TOM1: variants seen among roughly 807,000 people sequenced by gnomAD.
TOM1 encodes the protein target of Myb protein 1.
In TOM1, 38 loss-of-function variants were observed where a neutral mutation model predicts 61.3. That is an observed-to-expected ratio of 0.62 (90% CI 0.48 to 0.81). The LOEUF (loss-of-function observed/expected upper bound fraction) is 0.81, where lower values mean the gene tolerates loss of function less well. Among genes scored for constraint, TOM1 ranks in the 40% least tolerant of loss-of-function variants. TOM1 has a pLI of 0.00. For synonymous variants in TOM1, 270 were observed against 268.8 expected, an observed-to-expected ratio of 1.00 and a Z score of -0.04; for missense variants, 591 against 659.6, an observed-to-expected ratio of 0.90 and a Z score of 1.14.
intron 12 of TOM1, among the ~76,000 whole-genome samples, chr22:35,341,785 C>G (rs1046557612): frequency 3.3e-5 from 5 of 152,184 alleles, no homozygotes; most frequent in African/African-American, 9.6e-5. Context: ...CCACTGGCAG[C>G]AAAGAGAAGC....
chr22:35,331,031 C>A, intron 8 of TOM1, among the ~76,000 whole-genome samples: 1 of 152,048 alleles, frequency 6.6e-6, no homozygotes, highest in Non-Finnish European at 1.5e-5. Flanking sequence ...GGACCATCTC[C>A]CCAGGGTGCT....
At chr22:35,342,519 C>T (rs1929953719) in intron 12 of TOM1, among the ~76,000 whole-genome samples, 1 of 151,980 alleles carries the variant, frequency 6.6e-6, no homozygotes, top group African/African-American at 2.4e-5. Context: ...CAGCCGCCTG[C>T]CCTGCTATCC....
At chr22:35,324,124 G>T (rs1928101942) in intron 6 of TOM1, among the ~76,000 whole-genome samples, 1 of 152,190 alleles carries the variant, frequency 6.6e-6, no homozygotes. Flanking sequence ...AGACAGTTGG[G>T]ATCCAAGCTC....
Position 35,334,110 on chromosome 22 carries a change from C to T in TOM1, c.1028-218C>T, listed in dbSNP as rs185792623. Among the ~76,000 whole-genome samples, 421 of 152,308 alleles carry T rather than the reference C, an allele frequency of 2.8e-3. 5 individuals carry two copies. The highest frequency in any genetic ancestry group is 1.8e-3 in the Non-Finnish European group (120 of 68,030). Reference sequence around the variant, plus strand: ...CGTTTTGACTGTTCTCTAACGCTCACAGCAGCCCCAAGAGGGGTGAGTAAA... The same window carrying T: ...CGTTTTGACTGTTCTCTAACGCTCATAGCAGCCCCAAGAGGGGTGAGTAAA... On this transcript the variant is annotated intron_variant, in intron 10 of 14. Coordinates refer to ENST00000449058, the MANE Select transcript of TOM1 (RefSeq NM_005488.3).
intron 1 of TOM1, among the ~76,000 whole-genome samples, chr22:35,316,001 C>T (rs1221137168): frequency 2.6e-5 from 4 of 152,396 alleles, no homozygotes; most frequent in African/African-American, 9.6e-5. Context: ...GAGAGAGCCT[C>T]CCTTGCAGGA....
chr22:35,337,129 G>A (rs897007791), intron 11 of TOM1, among the ~76,000 whole-genome samples: 7 of 152,018 alleles, frequency 4.6e-5, no homozygotes, highest in African/African-American at 1.2e-4. Context: ...GTAGAGACGG[G>A]GTTTCACCAT....
In TOM1 at chr22:35,323,973, G is replaced by A; in HGVS notation, c.648+59G>A. 1 of 1,501,468 alleles carries A rather than the reference G, an allele frequency of 6.7e-7. No homozygotes were observed. Among genetic ancestry groups the A allele is most frequent in the South Asian group, 1.4e-5 (1 of 73,324 alleles). 93.0% of individuals were successfully genotyped at this position (1,501,468 alleles called of 1,614,324 possible). A position where few individuals can be genotyped will look rare whatever the true frequency, so the allele number is the denominator to read the frequency against. ...AGGCAGGTGGGCCACACACGTCAGG[G>A]AGGGCCCCCTGTCAGAATTTACCAT... On this transcript the variant is annotated intron_variant, in intron 6 of 14. Transcript: ENST00000449058. The surrounding 1 kb of genome is among the most constrained non-coding windows in gnomAD (Gnocchi z 4.2).
At chr22:35,332,554 G>A (rs76212089) in intron 8 of TOM1, among the ~76,000 whole-genome samples, 57 of 151,414 alleles carry the variant, frequency 3.8e-4, no homozygotes, top group African/African-American at 1.3e-3. Context: ...AGAGATACAT[G>A]TATCTTTCTT....
chr22:35,328,479 G>A (rs1359837164), intron 7 of TOM1, among the ~76,000 whole-genome samples: 1 of 152,246 alleles, frequency 6.6e-6, no homozygotes, highest in Admixed American at 6.5e-5. Context: ...GGCATAGGGA[G>A]ATCAGATAAC....
rs1295836755 is a variant in TOM1, at chr22:35,322,014, C to A, written c.193C>A (p.His65Asn). 5 of 1,614,052 alleles carry A rather than the reference C, an allele frequency of 3.1e-6. No individual in the cohort carries two copies. The highest frequency in any genetic ancestry group is 4.2e-6 in the Non-Finnish European group (5 of 1,180,030). Residue 65 changes from histidine to asparagine, a missense_variant, in exon 3 of 15, where the codon CAC becomes AAC. Coordinates refer to ENST00000449058, the MANE Select transcript of TOM1 (RefSeq NM_005488.3). ...KKRIVGNKNF[H>N]EVMLALTVLE... ...GAGAATCGTGGGGAATAAGAACTTC[C>A]ACGAGGTGATGCTGGCTCTCACAGT...
intron 2 of TOM1, among the ~76,000 whole-genome samples, chr22:35,318,838 C>T (rs1283542928): frequency 6.6e-6 from 1 of 152,236 alleles, no homozygotes; most frequent in Non-Finnish European, 1.5e-5. Flanking sequence ...TCCTTTCCCT[C>T]TCCAGTTCTC....
chr22:35,326,682 G>C (rs1928337924), intron 6 of TOM1, among the ~76,000 whole-genome samples: 1 of 152,032 alleles, frequency 6.6e-6, no homozygotes, highest in Admixed American at 6.5e-5. Flanking sequence ...TCTAGGAGGA[G>C]AGAGAGAGGA....
chr22:35,302,330 C>CTTTTTTTTTTTTTTTTTTTT (rs138734), intron 1 of TOM1, among the ~76,000 whole-genome samples: 3 of 70,918 alleles, frequency 4.2e-5, no homozygotes, highest in African/African-American at 5.7e-5. Context: ...TTTTCTTTTT[C>CTTTTTTTTTTTTTTTTTTTT]TTTTTTTTTT....
At chr22:35,300,128 C>A in intron 1 of TOM1, 148 bp downstream of exon 1, 3 of 878,064 alleles carry the variant, frequency 3.4e-6, no homozygotes, top group South Asian at 3.3e-5. Flanking sequence ...CCCAGCTTTC[C>A]TCCCACTCTT....
chr22:35,305,758 G>A (rs1017199281), intron 1 of TOM1, among the ~76,000 whole-genome samples: 4 of 152,036 alleles, frequency 2.6e-5, no homozygotes, highest in Admixed American at 2.0e-4. Context: ...TAAGCAGTTC[G>A]GTTTCAGTAT....
chr22:35,340,039 C>T (rs1929749205), intron 12 of TOM1, among the ~76,000 whole-genome samples: 3 of 152,244 alleles, frequency 2.0e-5, no homozygotes, highest in South Asian at 4.1e-4. Flanking sequence ...TGGGTGACCC[C>T]CACACGCTTT....
intron 7 of TOM1, among the ~76,000 whole-genome samples, chr22:35,327,766 A>G (rs1199074830): frequency 3.3e-5 from 5 of 152,190 alleles, no homozygotes; most frequent in Non-Finnish European, 7.3e-5. Flanking sequence ...TGAGATTTAC[A>G]CCATTCAGAA....
chr22:35,316,861 C>G (rs1185279523), intron 1 of TOM1, among the ~76,000 whole-genome samples: 1 of 152,168 alleles, frequency 6.6e-6, no homozygotes, highest in African/African-American at 2.4e-5. Flanking sequence ...CCTTGCCGTG[C>G]TGATACCTTA....
At position 35,346,331 on chromosome 22, in the gene TOM1, C is replaced by T. The variant is rs142882370; in HGVS notation, c.1284+547C>T. Among the ~76,000 whole-genome samples, 28 of 152,374 alleles carry T rather than the reference C, an allele frequency of 1.8e-4. 2 individuals are homozygous for T. The East Asian group carries it at 3.1e-3, about 17-fold the overall frequency. On this transcript the variant is annotated intron_variant, in intron 13 of 14. Transcript: ENST00000449058. The stretch of plus-strand genomic sequence containing the variant: ...GGGCTCCTACCGCAGCATCTGCCAC[C>T]CCGTCTCTGGGCACCAAGGCCCACA...
Sources: gnomAD v4.1 joint callset for allele counts (sites outside exome capture counted in the v4.1 genomes callset) on GRCh38, gnomAD v4.1.1 for gene constraint, Gnocchi (gnomAD v3.1) non-coding constraint, MANE v1.5 for transcripts, NCBI Gene and HGNC (gene_info 2026-07-23, HGNC 2026-07-21) for gene names.